The following MYH9 variants were observed in gnomAD, a reference collection of about 807,000 sequenced individuals.
MYH9 encodes the protein myosin-9.
Under a neutral mutation model 241.9 loss-of-function variants are expected in MYH9, and 29 were observed. That is an observed-to-expected ratio of 0.12 (90% CI 0.09 to 0.16). The LOEUF (loss-of-function observed/expected upper bound fraction) is 0.16. Among genes scored for constraint, MYH9 ranks in the 10% least tolerant of loss-of-function variants. MYH9 has a pLI of 1.00. For missense variants in MYH9, 1,803 were observed against 2,595.5 expected, an observed-to-expected ratio of 0.69 and a Z score of 6.63; for synonymous variants, 1,047 against 1,062.6, an observed-to-expected ratio of 0.99 and a Z score of 0.29.
rs2017241956 is a variant in MYH9, at chr22:36,320,988, T to C, written c.770-92A>G. The C allele has an allele frequency of 2.8e-6, 3 of 1,054,002 alleles. No individual in the cohort carries two copies. The highest frequency in any genetic ancestry group is 4.2e-6 in the Non-Finnish European group (3 of 709,162). The allele number at this position is 1,054,002 out of a possible 1,614,324, so 65.3% of individuals were successfully genotyped here. The stretch of plus-strand genomic sequence containing the variant: ...TTTTTTTGGAGACAGAGTCTCGCTC[T>C]GTCACCCAGGTTGGAGTGCAGTGGC... On this transcript the variant is annotated intron_variant, in intron 7 of 40. Transcript: ENST00000216181. The surrounding 1 kb of genome is among the most constrained non-coding windows in gnomAD (Gnocchi z 4.8).
chr22:36,379,445 C>CGT (rs1436944762), intron 1 of MYH9, among the ~76,000 whole-genome samples: 1 of 152,058 alleles, frequency 6.6e-6, no homozygotes, highest in East Asian at 1.9e-4. Context: ...GGAGGTGGAG[C>CGT]GTGCAGTGAG....
At chr22:36,378,169 A>G (rs2018200896) in intron 1 of MYH9, among the ~76,000 whole-genome samples, 1 of 151,522 alleles carries the variant, frequency 6.6e-6, no homozygotes, top group Non-Finnish European at 1.5e-5. Context: ...CCAGCTACTT[A>G]GGAGGCTGAG....
intron 30 of MYH9, among the ~76,000 whole-genome samples, chr22:36,292,963 C>T (rs2016730456): frequency 2.0e-5 from 3 of 152,228 alleles, no homozygotes; most frequent in Non-Finnish European, 4.4e-5. Flanking sequence ...ACCCATGAGG[C>T]CAAGGAGCTC....
intron 3 of MYH9, among the ~76,000 whole-genome samples, chr22:36,333,276 G>A (rs1019991792): frequency 1.3e-5 from 2 of 152,222 alleles, no homozygotes; most frequent in Admixed American, 6.5e-5. Flanking sequence ...AGTTAACAGC[G>A]CATGAACACG....
At position 36,306,733 on chromosome 22, in the gene MYH9, C is replaced by A; in HGVS notation, c.1844-126G>T. 1 of 1,007,058 alleles carries A rather than the reference C, an allele frequency of 9.9e-7. No homozygotes were observed. The highest frequency in any genetic ancestry group is 2.6e-5 in the East Asian group (1 of 38,420). 62.4% of individuals were successfully genotyped at this position (1,007,058 alleles called of 1,614,324 possible). ...GAGGAGACAGAATGAAACAACAGGA[C>A]CCTTTCCAATTGGAGCCTACACTGG... On this transcript the variant is annotated intron_variant, in intron 15 of 40. Transcript: ENST00000216181. This position sits in a 1 kb window ranked among gnomAD's most constrained non-coding sequence, Gnocchi z 4.1.
At chr22:36,308,949 A>C in intron 15 of MYH9, 2 of 799,566 alleles carry the variant, frequency 2.5e-6, no homozygotes, top group Non-Finnish European at 1.5e-6. Flanking sequence ...GAACCACTCA[A>C]AGCAACCAGC....
Position 36,284,102 on chromosome 22 carries a change from T to G in MYH9, c.5756A>C (p.Asn1919Thr), listed in dbSNP as rs1296987223. The G allele has an allele frequency of 3.7e-6, 6 of 1,614,176 alleles. No homozygotes were observed. Among genetic ancestry groups the G allele is most frequent in the Non-Finnish European group, 5.1e-6 (6 of 1,180,002 alleles). The change falls in exon 40 of 41, where the codon AAC (asparagine) becomes ACC (threonine). Residue 1919 changes from asparagine to threonine, a missense_variant. Transcript: ENST00000216181. ...GGGCAGGGCGGCTCACCTGAGCTTG[T>G]TCTTTAGGGAGCTGACTTCGCGGTT... ...AMNREVSSLK[N>T]KLRRGDLPFV...
At position 36,387,451 on chromosome 22, in the gene MYH9, G is replaced by A. The variant is rs551309221; in HGVS notation, c.-20+356C>T. ...AAAAGTTTGCCCGAGTCGGGCCTGG[G>A]CGAGGCGAGGGCGGGGCGCGTGCCC... is the stretch of plus-strand genomic sequence containing the variant. On this transcript the variant is annotated intron_variant, in intron 1 of 40. Coordinates refer to ENST00000216181, the MANE Select transcript of MYH9 (RefSeq NM_002473.6). 3.8e-3 allele frequency among the ~76,000 whole-genome samples: 577 copies of A among 152,252 alleles called. 7 individuals are homozygous for A. Among genetic ancestry groups the A allele is most frequent in the African/African-American group, 0.013 (557 of 41,556 alleles).
intron 13 of MYH9, among the ~76,000 whole-genome samples, chr22:36,312,875 G>A (rs751063024): frequency 9.9e-5 from 15 of 151,858 alleles, no homozygotes; most frequent in Non-Finnish European, 1.8e-4. Flanking sequence ...TTGGGAGGCC[G>A]AGGCGGGCGG....
intron 5 of MYH9, among the ~76,000 whole-genome samples, chr22:36,322,746 C>T (rs2017275066): frequency 6.6e-6 from 1 of 152,262 alleles, no homozygotes. Context: ...TCAGTTTGAA[C>T]TTACTTCCAT....
At chr22:36,309,700 A>T (rs530787682) in intron 14 of MYH9, among the ~76,000 whole-genome samples, 58 of 152,326 alleles carry the variant, frequency 3.8e-4, no homozygotes, top group African/African-American at 1.3e-3. Flanking sequence ...CTTTTTTAAA[A>T]TTTTTAGGTA....
intron 1 of MYH9, among the ~76,000 whole-genome samples, chr22:36,359,050 G>C (rs2017897663): frequency 6.6e-6 from 1 of 152,268 alleles, no homozygotes; most frequent in East Asian, 1.9e-4. Flanking sequence ...AGTGTCCTTT[G>C]TATTAGGAAC....
In MYH9 at chr22:36,293,979, A is replaced by G; in HGVS notation, c.3837+113T>C. The G allele has an allele frequency of 6.8e-7, 1 of 1,478,506 alleles. No individual in the cohort carries two copies. Among genetic ancestry groups the G allele is most frequent in the Non-Finnish European group, 9.3e-7 (1 of 1,076,290 alleles). 91.6% of individuals were successfully genotyped at this position (1,478,506 alleles called of 1,614,324 possible). ...TCACAAGCTGAACCATGAGGGTCTG[A>G]GGAGCCAGTTTGAGAAGAGAGAGAG... On this transcript the variant is annotated intron_variant, in intron 28 of 40. Coordinates refer to ENST00000216181, the MANE Select transcript of MYH9 (RefSeq NM_002473.6). This position sits in a 1 kb window ranked among gnomAD's most constrained non-coding sequence, Gnocchi z 5.1.
intron 20 of MYH9, among the ~76,000 whole-genome samples, chr22:36,302,094 A>G (rs1351079897): frequency 6.6e-6 from 1 of 152,242 alleles, no homozygotes; most frequent in African/African-American, 2.4e-5. Context: ...TACTGTTTAC[A>G]TAGCTGAGGT....
chr22:36,290,202 AC>A (rs1267285083), intron 31 of MYH9, among the ~76,000 whole-genome samples: 1 of 152,018 alleles, frequency 6.6e-6, no homozygotes, highest in Non-Finnish European at 1.5e-5. Context: ...ACTATGAAAA[AC>A]ATCTAAAAAT....
At chr22:36,368,809 C>T (rs928376643) in intron 1 of MYH9, among the ~76,000 whole-genome samples, 1 of 150,962 alleles carries the variant, frequency 6.6e-6, no homozygotes, top group African/African-American at 2.4e-5. Context: ...TGCAGCACAA[C>T]AAAGGCTGCC....
intron 3 of MYH9, among the ~76,000 whole-genome samples, chr22:36,333,251 T>C (rs576412274): frequency 2.0e-4 from 30 of 152,300 alleles, no homozygotes; most frequent in Admixed American, 3.9e-4. Flanking sequence ...GGGACATCAA[T>C]GGTAGGAGGT....
In MYH9 at chr22:36,292,111, C is replaced by T. The variant is rs199639878; in HGVS notation, c.4219G>A (p.Ala1407Thr). 3.2e-5 allele frequency: 51 copies of T among 1,614,158 alleles called. No homozygotes were observed. Among genetic ancestry groups the T allele is most frequent in the Admixed American group, 1.8e-4 (11 of 60,034 alleles). The change falls in exon 31 of 41, where the codon GCC (alanine) becomes ACC (threonine). Residue 1407 changes from alanine (A) to threonine (T), a missense_variant. Ala to Thr is a moderately conservative substitution (Grantham distance 58). Coordinates refer to ENST00000216181, the MANE Select transcript of MYH9 (RefSeq NM_002473.6). Reference protein sequence around the residue: ...LSQRHEEKVAAYDKLEKTKTR... With the variant: ...LSQRHEEKVATYDKLEKTKTR... ...TTGGTCTTCTCCAGCTTGTCGTAGG[C>T]GGCCACCTTCTCCTCGTGCCGCTGG...
At chr22:36,286,327 G>A (rs1157594880) in intron 35 of MYH9, among the ~76,000 whole-genome samples, 1 of 152,070 alleles carries the variant, frequency 6.6e-6, no homozygotes, top group Non-Finnish European at 1.5e-5. Context: ...GCTACACCCT[G>A]GACGCACTCG....
Sources: gnomAD v4.1 joint callset for allele counts (sites outside exome capture counted in the v4.1 genomes callset) on GRCh38, gnomAD v4.1.1 for gene constraint, Gnocchi (gnomAD v3.1) non-coding constraint, MANE v1.5 for transcripts, NCBI Gene and HGNC (gene_info 2026-07-23, HGNC 2026-07-21) for gene names.